TRHDE: variants seen among roughly 807,000 people sequenced by gnomAD.
TRHDE encodes the protein thyrotropin-releasing hormone-degrading ectoenzyme.
A neutral mutation model predicts 125.7 loss-of-function variants in TRHDE; 72 were observed. That is an observed-to-expected ratio of 0.57 (90% CI 0.47 to 0.70). The LOEUF (loss-of-function observed/expected upper bound fraction) is 0.70, where lower values mean the gene tolerates loss of function less well. TRHDE is among the 30% of genes least tolerant of loss of function. The pLI is 0.00. For missense variants in TRHDE, 1,110 were observed against 1,327.1 expected (o/e 0.84, Z 2.54); for synonymous variants, 509 against 509.1 (o/e 1.00, Z 0.00).
chr12:72,167,445 C>G (rs915856128), intron 2 of TRHDE: 6 of 152,206 alleles, frequency 3.9e-5, no homozygotes, highest in African/African-American at 1.4e-4. Flanking sequence ...TTTACCTTCT[C>G]TGCTTACAAA....
chr12:72,337,205 G>A (rs1413562695), intron 2 of TRHDE, among the ~76,000 whole-genome samples: 1 of 152,176 alleles, frequency 6.6e-6, no homozygotes, highest in African/African-American at 2.4e-5. Context: ...TGAAGTGGCA[G>A]AGACAAGTCT....
At chr12:72,235,966 T>C (rs1016807635) in intron 2 of TRHDE, among the ~76,000 whole-genome samples, 8 of 152,104 alleles carry the variant, frequency 5.3e-5, no homozygotes, top group African/African-American at 1.9e-4. Flanking sequence ...TTGAGAAAAA[T>C]ATTTTGTGAT....
At position 72,214,142 on chromosome 12, in the gene TRHDE, T is replaced by G. The variant is rs1195752369; in HGVS notation, n.279+108390T>G. ...TGGAAATGGTAAAGGGTTAATATAC[T>G]TATTAATCTGGCTAACATTTTTTAG... On this transcript the variant is annotated intron_variant and non_coding_transcript_variant, in intron 2 of 4. Coordinates refer to the TRHDE transcript ENST00000548156. 2.6e-5 allele frequency among the ~76,000 whole-genome samples: 4 copies of G among 152,310 alleles called. No individual in the cohort carries two copies. In the East Asian group the frequency reaches 7.7e-4, roughly 29 times the overall value.
At chr12:72,533,668 T>C (rs1307376362) in intron 6 of TRHDE, among the ~76,000 whole-genome samples, 1 of 151,650 alleles carries the variant, frequency 6.6e-6, no homozygotes. Context: ...AGTTTTTTCA[T>C]GGACTCTTTA....
intron 2 of TRHDE, among the ~76,000 whole-genome samples, chr12:72,370,985 T>C (rs1871556901): frequency 6.6e-6 from 1 of 152,154 alleles, no homozygotes; most frequent in African/African-American, 2.4e-5. Flanking sequence ...TCAGGTGAGA[T>C]CCACCTGCCT....
At chr12:72,411,096 G>T (rs1873482511) in intron 3 of TRHDE, among the ~76,000 whole-genome samples, 3 of 151,590 alleles carry the variant, frequency 2.0e-5, no homozygotes, top group Admixed American at 2.0e-4. Context: ...CCAGCTACTC[G>T]GGAGGCTGAG....
At chr12:72,384,586 A>G (rs1872331862) in intron 3 of TRHDE, among the ~76,000 whole-genome samples, 1 of 152,144 alleles carries the variant, frequency 6.6e-6, no homozygotes, top group South Asian at 2.1e-4. Context: ...TAATTGGAGA[A>G]GAAAGGAGAG....
chr12:72,594,880 T>C (rs912357104), intron 12 of TRHDE, among the ~76,000 whole-genome samples: 10 of 151,750 alleles, frequency 6.6e-5, no homozygotes, highest in Non-Finnish European at 1.5e-4. Context: ...CCAACAATGA[T>C]AGACTGGATT....
chr12:72,423,719 C>T (rs921805541), intron 3 of TRHDE, among the ~76,000 whole-genome samples: 3 of 151,896 alleles, frequency 2.0e-5, no homozygotes, highest in Admixed American at 6.6e-5. Flanking sequence ...ACTAAGGTTG[C>T]GTATCAGTTT....
intron 2 of TRHDE, chr12:72,140,416 T>C (rs901741841): frequency 2.6e-5 from 4 of 151,374 alleles, no homozygotes; most frequent in African/African-American, 9.7e-5. Flanking sequence ...TCACTTTTCC[T>C]GACAGAACTA....
chr12:72,376,543 A>G (rs1160007588), intron 2 of TRHDE, among the ~76,000 whole-genome samples: 3 of 152,102 alleles, frequency 2.0e-5, no homozygotes, highest in Non-Finnish European at 2.9e-5. Context: ...ATTTTATTTA[A>G]TTGTTGGTAG....
At chr12:72,543,805 TTATTA>T (rs1456433837) in intron 7 of TRHDE, among the ~76,000 whole-genome samples, 1 of 142,938 alleles carries the variant, frequency 7.0e-6, no homozygotes, top group Non-Finnish European at 1.5e-5. Context: ...AGGATTATTA[TTATTA>T]TTATTATTAT....
chr12:72,565,152 C>A (rs539226790), intron 9 of TRHDE, among the ~76,000 whole-genome samples: 1 of 152,246 alleles, frequency 6.6e-6, no homozygotes, highest in Admixed American at 6.5e-5. Flanking sequence ...AGCTTCAATA[C>A]GATTCTCTCT....
intron 2 of TRHDE, among the ~76,000 whole-genome samples, chr12:72,135,205 C>T (rs578149057): frequency 2.6e-5 from 4 of 152,256 alleles, no homozygotes; most frequent in Non-Finnish European, 4.4e-5. Context: ...GAGGCGTAAT[C>T]GGAATGACCA....
chr12:72,518,086 AGGTGT>A (rs1878973603), intron 6 of TRHDE, among the ~76,000 whole-genome samples: 1 of 149,748 alleles, frequency 6.7e-6, no homozygotes, highest in South Asian at 2.1e-4. Flanking sequence ...ATTTTAGAAT[AGGTGT>A]GGTGTGGTGC....
At chr12:72,123,705 C>T (rs1875644920) in intron 2 of TRHDE, among the ~76,000 whole-genome samples, 1 of 151,956 alleles carries the variant, frequency 6.6e-6, no homozygotes, top group African/African-American at 2.4e-5. Context: ...TCAAATATAT[C>T]CACTTCTGAA....
At chr12:72,635,859 T>C (rs1197348632) in intron 15 of TRHDE, among the ~76,000 whole-genome samples, 1 of 152,212 alleles carries the variant, frequency 6.6e-6, no homozygotes, top group African/African-American at 2.4e-5. Flanking sequence ...TCCATTGATC[T>C]ATATCTCTGT....
chr12:72,289,320 T>A (rs1469014165), intron 2 of TRHDE, among the ~76,000 whole-genome samples: 1 of 152,132 alleles, frequency 6.6e-6, no homozygotes, highest in Non-Finnish European at 1.5e-5. Flanking sequence ...TCATCACTGT[T>A]ATTATTTGCT....
intron 3 of TRHDE, among the ~76,000 whole-genome samples, chr12:72,407,524 T>C (rs1200343123): frequency 6.6e-6 from 1 of 152,156 alleles, no homozygotes; most frequent in Non-Finnish European, 1.5e-5. Context: ...GGAGAGGTCA[T>C]TTGGGTCAAC....
Sources: gnomAD v4.1 joint callset for allele counts (sites outside exome capture counted in the v4.1 genomes callset) on GRCh38, gnomAD v4.1.1 for gene constraint, MANE v1.5 for transcripts, NCBI Gene and HGNC (gene_info 2026-07-23, HGNC 2026-07-21) for gene names.